LRMDA: variants seen among roughly 807,000 people sequenced by gnomAD.
The protein encoded by LRMDA is leucine rich melanocyte differentiation associated, also known as leucine-rich melanocyte differentiation-associated protein.
A neutral mutation model predicts 29.8 loss-of-function variants in LRMDA; 18 were observed. The observed-to-expected ratio is 0.60, with a 90% CI of 0.42 to 0.90. The LOEUF (loss-of-function observed/expected upper bound fraction) is 0.90, where lower values mean the gene tolerates loss of function less well. LRMDA is among the 40% of genes least tolerant of loss of function. The probability of loss-of-function intolerance (pLI) is 0.00; values close to 1 mark genes in which losing one functional copy is unlikely to be tolerated. For missense variants in LRMDA, 273 were observed against 273.9 expected, an observed-to-expected ratio of 1.00 and a Z score of 0.02; for synonymous variants, 125 against 109.4, an observed-to-expected ratio of 1.14 and a Z score of -0.89.
intron 2 of LRMDA, among the ~76,000 whole-genome samples, chr10:75,664,786 A>C (rs2132137756): frequency 6.6e-6 from 1 of 152,362 alleles, no homozygotes; most frequent in Admixed American, 6.5e-5. Context: ...AACAGGATGT[A>C]CACATTGAAA....
At chr10:75,546,884 T>G (rs1275258856) in intron 2 of LRMDA, among the ~76,000 whole-genome samples, 1 of 152,222 alleles carries the variant, frequency 6.6e-6, no homozygotes, top group Non-Finnish European at 1.5e-5. Flanking sequence ...ATTATTTCAC[T>G]GAATCCTCCC....
chr10:75,449,604 T>C (rs1304499904), intron 2 of LRMDA, among the ~76,000 whole-genome samples: 1 of 151,390 alleles, frequency 6.6e-6, no homozygotes, highest in South Asian at 2.1e-4. Context: ...TTGCTCTGAG[T>C]TCAAGACCCT....
At chr10:76,151,278 G>GCTT (rs1400904752) in intron 5 of LRMDA, among the ~76,000 whole-genome samples, 2 of 152,140 alleles carry the variant, frequency 1.3e-5, no homozygotes, top group Non-Finnish European at 2.9e-5. Flanking sequence ...AGCTATATCA[G>GCTT]CTTATTAAAC....
intron 5 of LRMDA, among the ~76,000 whole-genome samples, chr10:76,076,072 G>T (rs947396668): frequency 6.6e-6 from 1 of 152,034 alleles, no homozygotes; most frequent in Admixed American, 6.5e-5. Flanking sequence ...GGCTGGGCGC[G>T]GTGGCTCATG....
At chr10:75,557,176 TG>T (rs1653575021) in intron 2 of LRMDA, among the ~76,000 whole-genome samples, 1 of 151,778 alleles carries the variant, frequency 6.6e-6, no homozygotes, top group African/African-American at 2.4e-5. Flanking sequence ...TAGCTGGGTG[TG>T]GTGGCGGGTG....
intron 2 of LRMDA, among the ~76,000 whole-genome samples, chr10:75,868,461 G>A (rs72811453): frequency 0.15 from 22,997 of 152,122 alleles, 2,026 homozygotes; most frequent in Admixed American, 0.21. Flanking sequence ...CCTAGTAAAC[G>A]TTGTCATTAT....
chr10:75,504,945 G>A (rs1845154498), intron 2 of LRMDA, among the ~76,000 whole-genome samples: 1 of 152,130 alleles, frequency 6.6e-6, no homozygotes, highest in Non-Finnish European at 1.5e-5. Context: ...AGTAGGTGTA[G>A]GTAGATCATG....
At chr10:75,898,252 A>T (rs950942194) in intron 2 of LRMDA, among the ~76,000 whole-genome samples, 10 of 152,352 alleles carry the variant, frequency 6.6e-5, no homozygotes, top group African/African-American at 2.4e-4. Context: ...AAATAATAAA[A>T]AAAGAAGGAA....
At chr10:75,997,005 T>TA (rs1847479546) in intron 2 of LRMDA, among the ~76,000 whole-genome samples, 1 of 152,210 alleles carries the variant, frequency 6.6e-6, no homozygotes, top group South Asian at 2.1e-4. Context: ...GTGCTGGGAT[T>TA]ACAGGCATGA....
chr10:75,762,457 A>T (rs1223460202), intron 2 of LRMDA, among the ~76,000 whole-genome samples: 2 of 152,208 alleles, frequency 1.3e-5, no homozygotes, highest in Non-Finnish European at 2.9e-5. Flanking sequence ...AAGCCAAAAG[A>T]TTGGGCACCC....
At chr10:76,479,056 A>T (rs1276238096) in intron 6 of LRMDA, among the ~76,000 whole-genome samples, 1 of 151,556 alleles carries the variant, frequency 6.6e-6, no homozygotes, top group Non-Finnish European at 1.5e-5. Flanking sequence ...ATAAAAATAT[A>T]TATATAAATA....
At chr10:76,401,375 T>C (rs922711091) in intron 6 of LRMDA, among the ~76,000 whole-genome samples, 1 of 152,228 alleles carries the variant, frequency 6.6e-6, no homozygotes, top group African/African-American at 2.4e-5. Flanking sequence ...TAGGGGCTGA[T>C]GTGGACTCAT....
intron 2 of LRMDA, among the ~76,000 whole-genome samples, chr10:75,745,056 A>G (rs532334256): frequency 1.3e-5 from 2 of 152,256 alleles, no homozygotes; most frequent in East Asian, 3.9e-4. Context: ...CCTCTTTGCT[A>G]TGTCAGTTAC....
chr10:76,020,231 G>A (rs1847950409), intron 2 of LRMDA, among the ~76,000 whole-genome samples: 1 of 152,190 alleles, frequency 6.6e-6, no homozygotes, highest in Non-Finnish European at 1.5e-5. Context: ...TGGATACTTG[G>A]TACATGGATA....
intron 2 of LRMDA, among the ~76,000 whole-genome samples, chr10:75,898,794 A>G (rs987289462): frequency 7.9e-5 from 12 of 152,310 alleles, no homozygotes; most frequent in Middle Eastern, 3.4e-3. Flanking sequence ...TAACTTTGGG[A>G]TTCAATTTAC....
At chr10:76,009,923 T>C (rs1312843990) in intron 2 of LRMDA, among the ~76,000 whole-genome samples, 2 of 150,300 alleles carry the variant, frequency 1.3e-5, no homozygotes, top group African/African-American at 4.9e-5. Context: ...GAGAGCTAAA[T>C]GTGAGCCTCA....
chr10:75,638,622 G>A (rs1419933302), intron 2 of LRMDA, among the ~76,000 whole-genome samples: 2 of 152,142 alleles, frequency 1.3e-5, no homozygotes, highest in African/African-American at 4.8e-5. Flanking sequence ...TTGTACTTTA[G>A]CAATTTATAA....
chr10:76,065,424 G>A (rs969750524), intron 5 of LRMDA, among the ~76,000 whole-genome samples: 21 of 152,216 alleles, frequency 1.4e-4, no homozygotes, highest in African/African-American at 4.1e-4. Context: ...GCCAGGTGCT[G>A]AGCACATAGT....
chr10:75,825,307 T>G (rs1005426803), intron 2 of LRMDA, among the ~76,000 whole-genome samples: 12 of 152,116 alleles, frequency 7.9e-5, no homozygotes, highest in African/African-American at 2.9e-4. Context: ...TTGGGTGGTG[T>G]TAATTCCTGC....
Sources: gnomAD v4.1 joint callset for allele counts (sites outside exome capture counted in the v4.1 genomes callset) on GRCh38, gnomAD v4.1.1 for gene constraint, MANE v1.5 for transcripts, NCBI Gene and HGNC (gene_info 2026-07-23, HGNC 2026-07-21) for gene names.